Variants in PTK2B observed in about 807,000 individuals in gnomAD.
The protein encoded by PTK2B is protein-tyrosine kinase 2-beta.
Under a neutral mutation model 142.9 loss-of-function variants are expected in PTK2B, and 71 were observed. That is an observed-to-expected ratio of 0.50 (90% CI 0.41 to 0.61). The LOEUF (loss-of-function observed/expected upper bound fraction) is 0.61, where lower values mean the gene tolerates loss of function less well. Ranked by LOEUF, PTK2B falls within the 20% of genes least tolerant of loss-of-function variation. The probability of loss-of-function intolerance (pLI) is 0.00; values close to 1 mark genes in which losing one functional copy is unlikely to be tolerated. For missense variants in PTK2B, 1,105 were observed against 1,320.4 expected (o/e 0.84, Z 2.53); for synonymous variants, 519 against 503.4 (o/e 1.03, Z -0.42).
rs752381963 is a variant in PTK2B at position 27,450,896 on chromosome 8, G to A, written c.2487+1G>A. ...GCTCAGGCAGGAGGAGAAGTCCCTG[G>A]TGAGCACCCCAGGAAGGATGTCGGT... On this transcript the variant is annotated splice_donor_variant, in intron 25 of 30. Transcript: ENST00000346049. LOFTEE classifies it high-confidence loss of function. The A allele has an allele frequency of 6.2e-7, 1 of 1,614,048 alleles. No homozygotes were observed. Among genetic ancestry groups the A allele is most frequent in the African/African-American group, 1.3e-5 (1 of 74,910 alleles).
At chr8:27,436,198 T>C (rs1030351059) in intron 14 of PTK2B, 53 bp from the exon 15 acceptor site, 19 of 1,573,518 alleles carry the variant, frequency 1.2e-5, no homozygotes, top group Admixed American at 6.7e-5. Context: ...TCAGGTTCCC[T>C]AGGGGATACC....
At chr8:27,335,256 G>A (rs1446244098) in intron 1 of PTK2B, among the ~76,000 whole-genome samples, 1 of 152,150 alleles carries the variant, frequency 6.6e-6, no homozygotes, top group Non-Finnish European at 1.5e-5. Context: ...CACCAGTGCA[G>A]CCTCTGAGCC....
At chr8:27,425,265 A>G (rs754928841) in intron 5 of PTK2B, among the ~76,000 whole-genome samples, 5 of 151,774 alleles carry the variant, frequency 3.3e-5, no homozygotes, top group Admixed American at 6.6e-5. Flanking sequence ...GTATAGTATT[A>G]TATGGTATTG....
chr8:27,360,895 G>A (rs182133146), intron 1 of PTK2B, among the ~76,000 whole-genome samples: 308 of 152,280 alleles, frequency 2.0e-3, no homozygotes, highest in Non-Finnish European at 3.2e-3. Context: ...GAAATAAAAC[G>A]TGTCGGTCTT....
At chr8:27,336,775 A>C (rs964844049) in intron 1 of PTK2B, among the ~76,000 whole-genome samples, 2 of 152,198 alleles carry the variant, frequency 1.3e-5, no homozygotes, top group African/African-American at 4.8e-5. Context: ...TGGGCATCAT[A>C]GTCCCTGTGG....
At chr8:27,347,973 T>C (rs1804814579) in intron 1 of PTK2B, among the ~76,000 whole-genome samples, 1 of 152,230 alleles carries the variant, frequency 6.6e-6, no homozygotes, top group Non-Finnish European at 1.5e-5. Flanking sequence ...GGGGAGCTCC[T>C]TCTCTCTGAA....
chr8:27,345,326 CAT>C (rs1804652344), intron 1 of PTK2B, among the ~76,000 whole-genome samples: 1 of 152,242 alleles, frequency 6.6e-6, no homozygotes, highest in Non-Finnish European at 1.5e-5. Context: ...TTAGTGAGCA[CAT>C]GTTTCTAAAT....
chr8:27,440,442 G>A lies in PTK2B; in HGVS notation c.2039+1G>A. On this transcript the variant is annotated splice_donor_variant, in intron 21 of 30. Transcript: ENST00000346049. LOFTEE classifies it high-confidence loss of function. Reference sequence around the variant, plus strand: ...TCACCGAGCTGGTGTGCAGCCTCAGGTGAGCATGGAGTGTGGGCTGTGGGC... The same window carrying A: ...TCACCGAGCTGGTGTGCAGCCTCAGATGAGCATGGAGTGTGGGCTGTGGGC... 2 of 1,613,480 alleles carry A rather than the reference G, an allele frequency of 1.2e-6. No homozygotes were observed. The highest frequency in any genetic ancestry group is 8.5e-7 in the Non-Finnish European group (1 of 1,179,992).
chr8:27,329,638 T>C (rs1196960254), intron 1 of PTK2B, among the ~76,000 whole-genome samples: 1 of 152,122 alleles, frequency 6.6e-6, no homozygotes, highest in Non-Finnish European at 1.5e-5. Context: ...GTGATGAAGA[T>C]AAGTTTTGCT....
chr8:27,383,081 T>C (rs1337052348), intron 1 of PTK2B, among the ~76,000 whole-genome samples: 3 of 152,188 alleles, frequency 2.0e-5, no homozygotes, highest in Non-Finnish European at 4.4e-5. Context: ...TTTTCTATCA[T>C]ATTTCTGTGA....
At chr8:27,423,665 T>C (rs4434577) in intron 5 of PTK2B, among the ~76,000 whole-genome samples, 123,864 of 152,064 alleles carry the variant, frequency 0.81, 50,962 homozygotes, top group Middle Eastern at 0.95. Context: ...ACTCTGCTGC[T>C]GCTTCTACGG....
intron 5 of PTK2B, among the ~76,000 whole-genome samples, chr8:27,428,141 C>T (rs557347630): frequency 1.4e-4 from 22 of 152,252 alleles, no homozygotes; most frequent in Non-Finnish European, 2.9e-4. Context: ...GAGCGTGAAA[C>T]CTAGATCCCT....
chr8:27,452,876 A>G (rs1811904786), intron 27 of PTK2B: 4 of 570,960 alleles, frequency 7.0e-6, no homozygotes, highest in Non-Finnish European at 1.2e-5. Context: ...CAATCCCCCC[A>G]TCTTGCTGGG....
At chr8:27,437,322 A>G (rs1586324163) in intron 16 of PTK2B, 74 bp from the exon 17 acceptor site, 2 of 1,546,752 alleles carry the variant, frequency 1.3e-6, no homozygotes, top group East Asian at 2.3e-5. Flanking sequence ...CCTCCCAGCT[A>G]GAAGAGCAAA....
intron 1 of PTK2B, among the ~76,000 whole-genome samples, chr8:27,360,797 A>G (rs1026388474): frequency 6.6e-6 from 1 of 152,230 alleles, no homozygotes; most frequent in African/African-American, 2.4e-5. Context: ...GAAAAAGCCA[A>G]AACTGCATTT....
At chr8:27,358,096 G>T (rs895110186) in intron 1 of PTK2B, among the ~76,000 whole-genome samples, 1 of 152,186 alleles carries the variant, frequency 6.6e-6, no homozygotes, top group East Asian at 1.9e-4. Context: ...CATAGTAGAC[G>T]TTCCCTTTTT....
intron 1 of PTK2B, among the ~76,000 whole-genome samples, chr8:27,342,883 G>C (rs1239134547): frequency 2.0e-5 from 3 of 152,168 alleles, no homozygotes; most frequent in Non-Finnish European, 2.9e-5. Context: ...GCAGTGAGAA[G>C]GGCCTGAGAA....
chr8:27,433,525 G>C lies in PTK2B; in HGVS notation c.1078G>C (p.Gly360Arg), dbSNP rs779736659. ...GYCRLQGEHQ[G>R]SLIIHPRKDG... is the part of the protein sequence containing the mutation. ...CTGCCGGCTGCAGGGTGAGCACCAA[G>C]GCTCTCTCATCATCCATCCTAGGAA... Residue 360 changes from glycine (G) to arginine (R), a missense_variant, in exon 11 of 31, where the codon GGC becomes CGC. By Grantham distance (125) the Gly-to-Arg change is moderately radical. Transcript: ENST00000346049. 6 of 1,614,126 alleles carry C rather than the reference G, an allele frequency of 3.7e-6. No homozygotes were observed. The highest frequency in any genetic ancestry group is 1.7e-5 in the Admixed American group (1 of 60,030).
At chr8:27,454,721 G>T (rs1179745957) in intron 30 of PTK2B, 110 bp downstream of exon 30, 8 of 1,154,464 alleles carry the variant, frequency 6.9e-6, no homozygotes, top group Non-Finnish European at 8.8e-6. Flanking sequence ...TGTCCACTGA[G>T]TCCCCACCAG....
Sources: allele counts gnomAD v4.1 joint callset (sites outside exome capture counted in the v4.1 genomes callset), GRCh38; gene constraint gnomAD v4.1.1; transcripts MANE v1.5; gene names NCBI Gene and HGNC (gene_info 2026-07-23, HGNC 2026-07-21).